The following ZMAT4 variants were observed in gnomAD, a reference collection of about 807,000 sequenced individuals.
ZMAT4 encodes zinc finger matrin-type protein 4.
A neutral mutation model predicts 28.7 loss-of-function variants in ZMAT4; 17 were observed. That is an observed-to-expected ratio of 0.59 (90% CI 0.41 to 0.89). The LOEUF is 0.89. ZMAT4 is among the 40% of genes least tolerant of loss of function. The pLI is 0.00. For synonymous variants in ZMAT4, 117 were observed against 109.2 expected (o/e 1.07, Z -0.44); for missense variants, 240 against 283.8 (o/e 0.85, Z 1.11).
chr8:40,670,354 A>G (rs1808614374), intron 5 of ZMAT4, among the ~76,000 whole-genome samples: 1 of 152,254 alleles, frequency 6.6e-6, no homozygotes, highest in Non-Finnish European at 1.5e-5. Context: ...AATAAATTTT[A>G]ACCTTTACTT....
rs145808630 is a variant in ZMAT4, at chr8:40,883,986, G to A, written c.-5+13697C>T. 1.3e-3 allele frequency among the ~76,000 whole-genome samples: 198 copies of A among 152,186 alleles called. 2 individuals are homozygous for A. The highest frequency in any genetic ancestry group is 4.4e-3 in the African/African-American group (184 of 41,508). Reference sequence around the variant, plus strand: ...AGTGAAAAGCTCAAGTGATAGCATCGGCAGAAACCTTTTAATTTTGATTTA... The same window carrying A: ...AGTGAAAAGCTCAAGTGATAGCATCAGCAGAAACCTTTTAATTTTGATTTA... On this transcript the variant is annotated intron_variant, in intron 1 of 6. Transcript: ENST00000297737.
rs571127895 is a variant in ZMAT4 at position 40,647,501 on chromosome 8, G to A, written c.577+27203C>T. Among the ~76,000 whole-genome samples the A allele has an allele frequency of 2.5e-3, 384 of 152,250 alleles. 2 individuals are homozygous for A. The highest frequency in any genetic ancestry group is 8.5e-3 in the African/African-American group (355 of 41,568). ...CAAGGTGGCAGCGAGGCTGGGGGAGGGGCGCCCACCATTGCCCAGGCTTGA... is the reference window on the plus strand; with the variant it reads ...CAAGGTGGCAGCGAGGCTGGGGGAGAGGCGCCCACCATTGCCCAGGCTTGA... On this transcript the variant is annotated intron_variant, in intron 5 of 6. Transcript: ENST00000297737.
At chr8:40,808,874 G>A (rs963219657) in intron 2 of ZMAT4, among the ~76,000 whole-genome samples, 2 of 150,124 alleles carry the variant, frequency 1.3e-5, no homozygotes, top group East Asian at 2.0e-4. Context: ...AACTATTCCC[G>A]AACTCTTTCT....
At chr8:40,628,070 G>A (rs1481884592) in intron 5 of ZMAT4, among the ~76,000 whole-genome samples, 1 of 152,178 alleles carries the variant, frequency 6.6e-6, no homozygotes, top group African/African-American at 2.4e-5. Context: ...TCTAATTTAA[G>A]AGTTAAGGGA....
chr8:40,566,631 C>T (rs1163438795), intron 6 of ZMAT4, among the ~76,000 whole-genome samples: 1 of 152,130 alleles, frequency 6.6e-6, no homozygotes. Context: ...TCCAAACCTT[C>T]TGGTATGGAG....
chr8:40,734,475 T>G (rs1255227379), intron 3 of ZMAT4, among the ~76,000 whole-genome samples: 1 of 152,182 alleles, frequency 6.6e-6, no homozygotes, highest in Non-Finnish European at 1.5e-5. Flanking sequence ...TTAGACGATT[T>G]CCTTGTGAAG....
intron 4 of ZMAT4, among the ~76,000 whole-genome samples, chr8:40,679,823 C>T (rs887835932): frequency 6.6e-6 from 1 of 152,196 alleles, no homozygotes; most frequent in African/African-American, 2.4e-5. Context: ...GGTGCCAGCA[C>T]TTTGCATGCA....
chr8:40,671,808 C>G (rs1348155521), intron 5 of ZMAT4, among the ~76,000 whole-genome samples: 1 of 152,082 alleles, frequency 6.6e-6, no homozygotes, highest in African/African-American at 2.4e-5. Flanking sequence ...ATATAATATG[C>G]ATCATTTTAA....
intron 3 of ZMAT4, among the ~76,000 whole-genome samples, chr8:40,710,784 C>T (rs187896243): frequency 4.2e-4 from 50 of 119,902 alleles, no homozygotes; most frequent in Admixed American, 2.0e-3. Flanking sequence ...AAGATCAAGA[C>T]TTTTCTTTTT....
intron 2 of ZMAT4, among the ~76,000 whole-genome samples, chr8:40,801,452 G>A (rs910459460): frequency 6.6e-6 from 1 of 150,628 alleles, no homozygotes; most frequent in Admixed American, 6.6e-5. Flanking sequence ...CAGATCATCT[G>A]AGGTCAGGAG....
At chr8:40,801,351 A>AAATATATATATAT (rs370796453) in intron 2 of ZMAT4, among the ~76,000 whole-genome samples, 14 of 97,250 alleles carry the variant, frequency 1.4e-4, no homozygotes, top group African/African-American at 4.4e-4. Flanking sequence ...TAAAAAAAAA[A>AAATATATATATAT]ATATATATAT....
chr8:40,878,601 C>T (rs1818118470), intron 1 of ZMAT4, among the ~76,000 whole-genome samples: 1 of 152,224 alleles, frequency 6.6e-6, no homozygotes, highest in African/African-American at 2.4e-5. Flanking sequence ...ACCTGACATG[C>T]TACATATCCT....
intron 3 of ZMAT4, among the ~76,000 whole-genome samples, chr8:40,707,524 T>G (rs769203832): frequency 2.6e-5 from 4 of 152,074 alleles, no homozygotes; most frequent in Non-Finnish European, 5.9e-5. Flanking sequence ...AAAGAATGCA[T>G]TGTATGGAAA....
At chr8:40,538,884 C>T (rs550627041) in intron 6 of ZMAT4, among the ~76,000 whole-genome samples, 16 of 151,990 alleles carry the variant, frequency 1.1e-4, no homozygotes, top group East Asian at 1.9e-4. Context: ...CTCCTGGGTT[C>T]GAGCGATTCT....
intron 4 of ZMAT4, among the ~76,000 whole-genome samples, chr8:40,695,919 GAGA>G (rs1425970172): frequency 6.6e-6 from 1 of 151,946 alleles, no homozygotes; most frequent in African/African-American, 2.4e-5. Flanking sequence ...CTTCAGCAGA[GAGA>G]ACAAATGGAC....
chr8:40,831,355 A>G (rs1816273806), intron 1 of ZMAT4, among the ~76,000 whole-genome samples: 1 of 152,208 alleles, frequency 6.6e-6, no homozygotes, highest in African/African-American at 2.4e-5. Flanking sequence ...TCGTCCTCCC[A>G]CAAGTGCTCA....
At chr8:40,841,163 A>G (rs1816688977) in intron 1 of ZMAT4, among the ~76,000 whole-genome samples, 1 of 152,218 alleles carries the variant, frequency 6.6e-6, no homozygotes, top group African/African-American at 2.4e-5. Context: ...GGTGAAACGT[A>G]GTAGAGTCTA....
chr8:40,568,452 A>G (rs1803991571), intron 6 of ZMAT4, among the ~76,000 whole-genome samples: 1 of 152,162 alleles, frequency 6.6e-6, no homozygotes, highest in Non-Finnish European at 1.5e-5. Flanking sequence ...AACCCTGAGC[A>G]GGCCGGAACT....
intron 3 of ZMAT4, among the ~76,000 whole-genome samples, chr8:40,743,939 A>G (rs971323420): frequency 6.6e-6 from 1 of 152,152 alleles, no homozygotes; most frequent in Non-Finnish European, 1.5e-5. Flanking sequence ...CTCCAGAAAA[A>G]GGAAGAGGAG....
Sources: gnomAD v4.1 joint callset for allele counts (sites outside exome capture counted in the v4.1 genomes callset) on GRCh38, gnomAD v4.1.1 for gene constraint, MANE v1.5 for transcripts, NCBI Gene and HGNC (gene_info 2026-07-23, HGNC 2026-07-21) for gene names.